The following PIGU variants were observed in gnomAD, a reference collection of about 807,000 sequenced individuals.
PIGU encodes phosphatidylinositol glycan anchor biosynthesis class U, also known as GPI-anchor transamidase component PIGU.
In PIGU, 24 loss-of-function variants were observed where a neutral mutation model predicts 49.9. That is an observed-to-expected ratio of 0.48 (90% CI 0.35 to 0.68). The LOEUF is 0.68. Among genes scored for constraint, PIGU ranks in the 30% least tolerant of loss-of-function variants. The pLI, the probability that PIGU is intolerant of heterozygous loss-of-function variation, is 0.01. For missense variants in PIGU, 490 were observed against 532.6 expected, an observed-to-expected ratio of 0.92 and a Z score of 0.79; for synonymous variants, 220 against 205.7, an observed-to-expected ratio of 1.07 and a Z score of -0.59.
At chr20:34,615,854 A>G (rs1046868859) in intron 7 of PIGU, among the ~76,000 whole-genome samples, 188 bp downstream of exon 7, 2 of 152,184 alleles carry the variant, frequency 1.3e-5, no homozygotes, top group East Asian at 1.9e-4. Context: ...GGTCTACTGT[A>G]GTTGGGACTT....
At chr20:34,664,003 C>G (rs1235153882) in intron 1 of PIGU, among the ~76,000 whole-genome samples, 1 of 152,186 alleles carries the variant, frequency 6.6e-6, no homozygotes, top group Admixed American at 6.5e-5. Context: ...TATGCTTTTG[C>G]TAGATACTGT....
chr20:34,603,034 A>G (rs1425706794), intron 7 of PIGU, among the ~76,000 whole-genome samples: 1 of 150,922 alleles, frequency 6.6e-6, no homozygotes, highest in Non-Finnish European at 1.5e-5. Flanking sequence ...TCCTGCCCAT[A>G]TCTTTTTTTT....
intron 5 of PIGU, among the ~76,000 whole-genome samples, chr20:34,636,234 G>C (rs765945739): frequency 8.6e-4 from 128 of 149,034 alleles, no homozygotes; most frequent in Non-Finnish European, 1.6e-3. Context: ...AAAAATAATA[G>C]CAAAGTACAA....
chr20:34,562,371 A>G, intron 11 of PIGU: 1 of 1,239,740 alleles, frequency 8.1e-7, no homozygotes, highest in Admixed American at 2.5e-5. Context: ...TCTTGGGGCA[A>G]GACAGGTTGA....
At chr20:34,607,155 T>C (rs779457118) in intron 7 of PIGU, among the ~76,000 whole-genome samples, 7 of 152,222 alleles carry the variant, frequency 4.6e-5, no homozygotes, top group Non-Finnish European at 7.3e-5. Context: ...AATACATTGT[T>C]CTCTAAAAAC....
chr20:34,581,551 T>C lies in PIGU; in HGVS notation c.1048A>G (p.Arg350Gly). 1 of 1,612,190 alleles carries C rather than the reference T, an allele frequency of 6.2e-7. No individual in the cohort carries two copies. Among genetic ancestry groups the C allele is most frequent in the Non-Finnish European group, 8.5e-7 (1 of 1,179,300 alleles). ...TGGCAGAGGCGGGAGTACTCACATC[T>C]GTAGAGATGGTTCCACACGGGGAAG... Reference protein sequence around the residue: ...AFFPVWNHLYRFLRNIFVLTC... With the variant: ...AFFPVWNHLYGFLRNIFVLTC... The change falls in exon 10 of 12, where the codon AGA (arginine) becomes GGA (glycine). Residue 350 changes from arginine (R) to glycine (G), a missense_variant. Arg to Gly is a moderately radical substitution (Grantham distance 125, BLOSUM62 -2). Coordinates refer to ENST00000217446, the MANE Select transcript of PIGU (RefSeq NM_080476.5).
intron 8 of PIGU, among the ~76,000 whole-genome samples, chr20:34,585,970 A>G (rs1472281728): frequency 1.3e-5 from 2 of 152,126 alleles, no homozygotes; most frequent in African/African-American, 4.8e-5. Flanking sequence ...CTAGAGGACC[A>G]CGCTCAAAGA....
At chr20:34,660,779 A>G (rs114042329) in intron 1 of PIGU, among the ~76,000 whole-genome samples, 65 of 152,360 alleles carry the variant, frequency 4.3e-4, no homozygotes, top group African/African-American at 1.5e-3. Flanking sequence ...AGATTATAAG[A>G]GACTAAGGCG....
chr20:34,664,353 A>T (rs1378905418), intron 1 of PIGU, among the ~76,000 whole-genome samples: 1 of 152,156 alleles, frequency 6.6e-6, no homozygotes, highest in Non-Finnish European at 1.5e-5. Context: ...GGCTCTTGCT[A>T]TATTGCCCAG....
intron 6 of PIGU, among the ~76,000 whole-genome samples, chr20:34,629,972 G>T (rs943908827): frequency 6.6e-6 from 1 of 152,158 alleles, no homozygotes; most frequent in Non-Finnish European, 1.5e-5. Context: ...TGATGTGGAA[G>T]AAATTACAGC....
At chr20:34,562,978 A>C (rs1982590683) in intron 11 of PIGU, among the ~76,000 whole-genome samples, 1 of 152,222 alleles carries the variant, frequency 6.6e-6, no homozygotes, top group African/African-American at 2.4e-5. Context: ...AATCCACAAC[A>C]ATCAAAACGA....
rs1412238729 is a variant in PIGU at position 34,631,770 on chromosome 20, T to C, written c.529+2845A>G. On this transcript the variant is annotated intron_variant, in intron 6 of 11. Coordinates refer to ENST00000217446, the MANE Select transcript of PIGU (RefSeq NM_080476.5). The stretch of plus-strand genomic sequence containing the variant: ...ATATATATATATATATATATATATA[T>C]ATATATATATATATATTTTTTTTTT... 6.9e-4 allele frequency among the ~76,000 whole-genome samples: 3 copies of C among 4,330 alleles called. 1 individual carries two copies. Among genetic ancestry groups the C allele is most frequent in the African/African-American group, 4.1e-3 (3 of 736 alleles). The allele number at this position is 4,330 out of a possible 152,430, so 2.8% of individuals were successfully genotyped here. A position where few individuals can be genotyped will look rare whatever the true frequency, so the allele number is the denominator to read the frequency against.
In PIGU at chr20:34,677,038, C is replaced by A; in HGVS notation, c.48G>T (p.Arg16=). ...CCAGACTGGAGCGGAACAAGGCCGC[C>A]CGCACTGTCACAGCCACCACCAGCA... is the stretch of plus-strand genomic sequence containing the variant. ...VLVLVVAVTV[R]AALFRSSLAE... Residue 16 remains arginine, a synonymous_variant, in exon 1 of 12, where the codon CGG becomes CGT. Transcript: ENST00000217446. 6.3e-7 allele frequency: 1 copy of A among 1,578,632 alleles called. No homozygotes were observed.
chr20:34,638,741 T>G (rs1986049467), intron 4 of PIGU, among the ~76,000 whole-genome samples: 1 of 152,080 alleles, frequency 6.6e-6, no homozygotes, highest in Non-Finnish European at 1.5e-5. Context: ...GGCAGCTGGA[T>G]AGTTAATAGG....
chr20:34,584,537 C>A, intron 9 of PIGU, among the ~76,000 whole-genome samples: 1 of 131,990 alleles, frequency 7.6e-6, no homozygotes, highest in Non-Finnish European at 1.6e-5. Flanking sequence ...TTGAGACATG[C>A]ACTTCCGCCT....
chr20:34,624,965 C>T (rs1985403488), intron 6 of PIGU, among the ~76,000 whole-genome samples: 1 of 152,210 alleles, frequency 6.6e-6, no homozygotes, highest in Admixed American at 6.5e-5. Context: ...GTATCTGCTC[C>T]ATGGAAGTCT....
intron 9 of PIGU, 62 bp downstream of exon 9, chr20:34,585,375 C>A: frequency 6.4e-7 from 1 of 1,553,604 alleles, no homozygotes; most frequent in Non-Finnish European, 8.8e-7. Context: ...CTCAAGGCTA[C>A]TAGAGGCAGG....
intron 11 of PIGU, chr20:34,562,374 C>T (rs1236692232): frequency 1.6e-6 from 2 of 1,244,024 alleles, no homozygotes; most frequent in East Asian, 5.6e-5. Flanking sequence ...TGGGGCAAGA[C>T]AGGTTGAGCT....
intron 7 of PIGU, among the ~76,000 whole-genome samples, chr20:34,612,494 G>T (rs976196626): frequency 2.6e-5 from 4 of 151,656 alleles, no homozygotes; most frequent in Admixed American, 6.6e-5. Context: ...ACAAACCTGC[G>T]CATTCAGCAC....
Sources: allele counts gnomAD v4.1 joint callset (sites outside exome capture counted in the v4.1 genomes callset), GRCh38; gene constraint gnomAD v4.1.1; transcripts MANE v1.5; gene names NCBI Gene and HGNC (gene_info 2026-07-23, HGNC 2026-07-21).